The following ULK4 variants were observed in gnomAD, a reference collection of about 807,000 sequenced individuals.
The protein encoded by ULK4 is inactive serine/threonine-protein kinase ULK4.
A neutral mutation model predicts 160.6 loss-of-function variants in ULK4; 133 were observed. The ratio of observed to expected loss-of-function variants is 0.83; its 90% CI spans 0.72 to 0.96. The LOEUF (loss-of-function observed/expected upper bound fraction) is 0.96, where lower values mean the gene tolerates loss of function less well. Ranked by LOEUF, ULK4 falls within the 40% of genes least tolerant of loss-of-function variation. ULK4 has a pLI of 0.00. For synonymous variants in ULK4, 534 were observed against 539.8 expected, an observed-to-expected ratio of 0.99 and a Z score of 0.15; for missense variants, 1,580 against 1,499.5, an observed-to-expected ratio of 1.05 and a Z score of -0.89.
intron 32 of ULK4, among the ~76,000 whole-genome samples, chr3:41,473,661 C>CAAAAAAAAAAAAAAAAAAAA (rs1294599838): frequency 1.2e-4 from 3 of 25,294 alleles, no homozygotes; most frequent in African/African-American, 5.5e-4. Context: ...GATTCTGTCT[C>CAAAAAAAAAAAAAAAAAAAA]AAAGAAAAAA....
At chr3:41,940,054 A>C (rs1699903288) in intron 2 of ULK4, among the ~76,000 whole-genome samples, 1 of 151,878 alleles carries the variant, frequency 6.6e-6, no homozygotes, top group African/African-American at 2.4e-5. Flanking sequence ...AAACATAGAA[A>C]TTGACACTTC....
At chr3:41,390,596 C>G (rs1377605738) in intron 35 of ULK4, among the ~76,000 whole-genome samples, 4 of 152,034 alleles carry the variant, frequency 2.6e-5, no homozygotes, top group African/African-American at 9.7e-5. Flanking sequence ...CAAAGAACAT[C>G]TTTATTTCTG....
At chr3:41,581,943 C>T (rs1164806641) in intron 31 of ULK4, among the ~76,000 whole-genome samples, 1 of 152,118 alleles carries the variant, frequency 6.6e-6, no homozygotes, top group Non-Finnish European at 1.5e-5. Context: ...TGGGAAGTGA[C>T]AAAGGCACAC....
In ULK4 at chr3:41,774,176, T is replaced by A. The variant is rs2039515353; in HGVS notation, c.2193+15485A>T. On this transcript the variant is annotated intron_variant, in intron 21 of 36. Coordinates refer to ENST00000301831, the MANE Select transcript of ULK4 (RefSeq NM_017886.4). ...CATAGGCATGGGCAAGGACTTCATG[T>A]CTAAAACACCAAAAGCAATGGCAAC... 2.0e-5 allele frequency among the ~76,000 whole-genome samples: 3 copies of A among 151,950 alleles called. No homozygotes were observed. In the South Asian group the frequency reaches 6.2e-4, roughly 32 times the overall value.
intron 35 of ULK4, among the ~76,000 whole-genome samples, chr3:41,272,041 G>A (rs2888056): frequency 2.0e-5 from 3 of 151,898 alleles, no homozygotes; most frequent in Admixed American, 6.6e-5. Flanking sequence ...CTCAGCCTCC[G>A]GAGTAGCTGG....
chr3:41,626,075 T>A (rs1463205059), intron 30 of ULK4, among the ~76,000 whole-genome samples: 4 of 152,282 alleles, frequency 2.6e-5, no homozygotes, highest in South Asian at 2.1e-4. Flanking sequence ...AATGACAGAT[T>A]TCATGTGGTT....
intron 35 of ULK4, among the ~76,000 whole-genome samples, chr3:41,291,805 C>T (rs1325630745): frequency 6.6e-6 from 1 of 151,062 alleles, no homozygotes; most frequent in African/African-American, 2.4e-5. Context: ...TATGAACATT[C>T]ATCACGTGGT....
chr3:41,617,876 T>C (rs2033053024), intron 30 of ULK4, among the ~76,000 whole-genome samples: 1 of 152,100 alleles, frequency 6.6e-6, no homozygotes, highest in South Asian at 2.1e-4. Context: ...AGAACCTTAA[T>C]AAAAGGTTAC....
In ULK4 at chr3:41,746,283, A is replaced by G. The variant is rs1196981383; in HGVS notation, c.2321+8078T>C. Among the ~76,000 whole-genome samples, 4 of 148,510 alleles carry G rather than the reference A, an allele frequency of 2.7e-5. No individual in the cohort carries two copies. In the East Asian group the frequency reaches 7.7e-4, roughly 29 times the overall value. ...TCTCCTGGAACCCACAAAAAAAAAA[A>G]AAAAAAAAAAAAACCACCTACAACT... On this transcript the variant is annotated intron_variant, in intron 22 of 36. Transcript: ENST00000301831.
At position 41,389,945 on chromosome 3, in the gene ULK4, T is replaced by C. The variant is rs201798920; in HGVS notation, c.3678+8134A>G. 2.5e-3 allele frequency among the ~76,000 whole-genome samples: 380 copies of C among 152,318 alleles called. 1 individual carries two copies. The highest frequency in any genetic ancestry group is 0.015 in the East Asian group (77 of 5,178). On this transcript the variant is annotated intron_variant, in intron 35 of 36. Transcript: ENST00000301831. ...TTAATTGGAATAGTTTCAGAAGGAA[T>C]GGTACCAGCTCCTCCTTGTACCTCT...
intron 32 of ULK4, among the ~76,000 whole-genome samples, chr3:41,463,575 A>G (rs1287091114): frequency 1.3e-5 from 2 of 152,170 alleles, no homozygotes; most frequent in South Asian, 2.1e-4. Context: ...CTGAAGGAAA[A>G]CAACTGTCCC....
In ULK4 at chr3:41,426,474, C is replaced by T. The variant is rs80034871; in HGVS notation, c.3493-28210G>A. On this transcript the variant is annotated intron_variant, in intron 34 of 36. Coordinates refer to ENST00000301831, the MANE Select transcript of ULK4 (RefSeq NM_017886.4). Reference sequence around the variant, plus strand: ...GACAAACAACAGAATATATAATCTTCTTGGTGCCAAATGGCACTTACTCTA... The same window carrying T: ...GACAAACAACAGAATATATAATCTTTTTGGTGCCAAATGGCACTTACTCTA... 3.5e-4 allele frequency among the ~76,000 whole-genome samples: 54 copies of T among 152,282 alleles called. 1 individual carries two copies. The East Asian group carries it at 9.6e-3, about 27-fold the overall frequency.
intron 34 of ULK4, among the ~76,000 whole-genome samples, chr3:41,440,324 A>G (rs891765812): frequency 6.6e-6 from 1 of 152,180 alleles, no homozygotes; most frequent in African/African-American, 2.4e-5. Context: ...GTATAATGCT[A>G]ACTGTAGATT....
At chr3:41,449,360 G>A (rs1426598643) in intron 34 of ULK4, among the ~76,000 whole-genome samples, 1 of 152,126 alleles carries the variant, frequency 6.6e-6, no homozygotes, top group Non-Finnish European at 1.5e-5. Context: ...TTATGAGTTT[G>A]TTTTAACCCT....
intron 35 of ULK4, among the ~76,000 whole-genome samples, chr3:41,375,264 A>C (rs2081460612): frequency 6.6e-6 from 1 of 152,198 alleles, no homozygotes; most frequent in Admixed American, 6.5e-5. Flanking sequence ...GACTTTCTTC[A>C]GAGAATAGGA....
chr3:41,475,942 A>C (rs2084128200), intron 32 of ULK4, among the ~76,000 whole-genome samples: 1 of 145,338 alleles, frequency 6.9e-6, no homozygotes, highest in Non-Finnish European at 1.5e-5. Flanking sequence ...GGAAGGAGGG[A>C]GAAGGGAGGA....
chr3:41,305,189 T>TCCCTCA, intron 35 of ULK4, among the ~76,000 whole-genome samples: 1 of 95,978 alleles, frequency 1.0e-5, no homozygotes, highest in East Asian at 2.4e-4. Flanking sequence ...AATAGGGCTC[T>TCCCTCA]CCCTCTCCCT....
chr3:41,632,158 C>G (rs1315417041), intron 30 of ULK4, among the ~76,000 whole-genome samples: 2 of 152,014 alleles, frequency 1.3e-5, no homozygotes, highest in African/African-American at 2.4e-5. Flanking sequence ...ATCCTTGCAC[C>G]AGAGCTGGAA....
chr3:41,376,449 C>T (rs1003875511), intron 35 of ULK4, among the ~76,000 whole-genome samples: 7 of 150,106 alleles, frequency 4.7e-5, no homozygotes, highest in Non-Finnish European at 8.8e-5. Flanking sequence ...TCTTTGCAGA[C>T]GACATGATTG....
Sources: gnomAD v4.1 joint callset for allele counts (sites outside exome capture counted in the v4.1 genomes callset) on GRCh38, gnomAD v4.1.1 for gene constraint, MANE v1.5 for transcripts, NCBI Gene and HGNC (gene_info 2026-07-23, HGNC 2026-07-21) for gene names.